The following ZFHX3 variants were observed in gnomAD, a reference collection of about 807,000 sequenced individuals.
The protein encoded by ZFHX3 is zinc finger homeobox protein 3.
Under a neutral mutation model 279.1 loss-of-function variants are expected in ZFHX3, and 42 were observed. The ratio of observed to expected loss-of-function variants is 0.15; its 90% CI spans 0.12 to 0.19. ZFHX3 has a LOEUF of 0.19. ZFHX3 is among the 10% of genes least tolerant of loss of function. The pLI is 1.00. For synonymous variants in ZFHX3, 2,293 were observed against 1,957.8 expected, an observed-to-expected ratio of 1.17 and a Z score of -4.52; for missense variants, 4,981 against 4,754.0, an observed-to-expected ratio of 1.05 and a Z score of -1.40.
chr16:73,395,015 G>A (rs2017099181), intron 3 of ZFHX3, among the ~76,000 whole-genome samples: 1 of 152,158 alleles, frequency 6.6e-6, no homozygotes, highest in East Asian at 1.9e-4. Flanking sequence ...ATAAGGAGTG[G>A]TTTTGCCCCA....
intron 3 of ZFHX3, among the ~76,000 whole-genome samples, chr16:72,918,796 C>T (rs2039509501): frequency 6.6e-6 from 1 of 151,432 alleles, no homozygotes; most frequent in Admixed American, 6.6e-5. Context: ...CCCGCGTTCA[C>T]ACCATTCTCC....
At chr16:73,609,877 G>A (rs961930930) in intron 2 of ZFHX3, 2 of 152,176 alleles carry the variant, frequency 1.3e-5, no homozygotes, top group African/African-American at 2.4e-5. Flanking sequence ...GAAAATTCCA[G>A]AGTTGTTACT....
chr16:73,297,620 A>T (rs914897452), intron 4 of ZFHX3, among the ~76,000 whole-genome samples: 1 of 152,014 alleles, frequency 6.6e-6, no homozygotes. Flanking sequence ...AACGGGACAC[A>T]TGTAGCCCTG....
intron 5 of ZFHX3, among the ~76,000 whole-genome samples, chr16:73,149,678 A>G (rs1254745814): frequency 1.3e-5 from 2 of 152,092 alleles, no homozygotes; most frequent in African/African-American, 4.8e-5. Context: ...TCCACAATTA[A>G]TTTTTCAACT....
At chr16:73,640,539 C>T (rs2142155697) in intron 2 of ZFHX3, among the ~76,000 whole-genome samples, 1 of 152,190 alleles carries the variant, frequency 6.6e-6, no homozygotes, top group East Asian at 1.9e-4. Flanking sequence ...AAAACATGAA[C>T]AGAACATTAT....
chr16:72,898,543 G>T (rs996355491), intron 3 of ZFHX3, among the ~76,000 whole-genome samples: 6 of 152,276 alleles, frequency 3.9e-5, no homozygotes, highest in African/African-American at 1.4e-4. Flanking sequence ...TCTATAGGTT[G>T]TACCTGCCTT....
chr16:73,117,871 A>G (rs943828866), intron 7 of ZFHX3, among the ~76,000 whole-genome samples: 9 of 152,224 alleles, frequency 5.9e-5, no homozygotes, highest in African/African-American at 2.2e-4. Context: ...ATGACTGTCT[A>G]TGAACCAGGA....
At chr16:73,397,119 C>T (rs2017146596) in intron 3 of ZFHX3, among the ~76,000 whole-genome samples, 1 of 152,194 alleles carries the variant, frequency 6.6e-6, no homozygotes, top group Non-Finnish European at 1.5e-5. Flanking sequence ...TTGTTACTTA[C>T]ATGGATGTCT....
chr16:73,039,656 C>T (rs574338566), intron 1 of ZFHX3, among the ~76,000 whole-genome samples: 12 of 152,198 alleles, frequency 7.9e-5, no homozygotes, highest in African/African-American at 2.6e-4. Context: ...AACACACAAC[C>T]AGGAAGTGAC....
In ZFHX3 at chr16:73,600,417, AC is replaced by A. The variant is rs1439060920; in HGVS notation, c.-1547+79762del. ...TCTGTGTATAGACCTTGGTCTCTCT[AC>A]TTTTTTTTTTTTTTTTTGAGATGGA... On this transcript the variant is annotated intron_variant, in intron 2 of 17. Coordinates refer to the ZFHX3 transcript ENST00000641206. Among the ~76,000 whole-genome samples the A allele has an allele frequency of 9.3e-5, 8 of 86,406 alleles. No homozygotes were observed. The Admixed American group carries it at 1.2e-3, about 13-fold the overall frequency. The allele number at this position is 86,406 out of a possible 152,430, so 56.7% of individuals were successfully genotyped here. A position where few individuals can be genotyped will look rare whatever the true frequency, so the allele number is the denominator to read the frequency against.
chr16:73,638,148 T>C (rs2052544597), intron 2 of ZFHX3, among the ~76,000 whole-genome samples: 1 of 152,200 alleles, frequency 6.6e-6, no homozygotes, highest in Non-Finnish European at 1.5e-5. Flanking sequence ...ATCACATTCT[T>C]AGAGAATTTT....
chr16:73,847,594 T>C (rs944950939), intron 1 of ZFHX3, among the ~76,000 whole-genome samples: 11 of 152,190 alleles, frequency 7.2e-5, no homozygotes, highest in Admixed American at 7.2e-4. Flanking sequence ...CAGCAAGTTA[T>C]TTAGCCTCCT....
intron 1 of ZFHX3, among the ~76,000 whole-genome samples, chr16:73,818,887 CACAA>C: frequency 6.6e-6 from 1 of 152,292 alleles, no homozygotes; most frequent in Non-Finnish European, 1.5e-5. Context: ...ATGACAACCA[CACAA>C]ACAATGACTT....
intron 2 of ZFHX3, among the ~76,000 whole-genome samples, chr16:73,469,755 T>A (rs1240264969): frequency 6.6e-6 from 1 of 152,082 alleles, no homozygotes; most frequent in Non-Finnish European, 1.5e-5. Flanking sequence ...GTAGCTGGGA[T>A]TACAGGCTCC....
chr16:72,915,927 C>T (rs1411097984), intron 3 of ZFHX3, among the ~76,000 whole-genome samples: 1 of 152,246 alleles, frequency 6.6e-6, no homozygotes, highest in African/African-American at 2.4e-5. Context: ...GACGTAACTA[C>T]TTAACATTTC....
chr16:72,934,881 C>G (rs1960029760), intron 3 of ZFHX3, among the ~76,000 whole-genome samples: 1 of 152,202 alleles, frequency 6.6e-6, no homozygotes, highest in African/African-American at 2.4e-5. Context: ...TTAAAGGCCC[C>G]TGGGCTAAGA....
intron 5 of ZFHX3, among the ~76,000 whole-genome samples, chr16:73,183,881 T>G (rs1423042606): frequency 6.6e-6 from 1 of 151,964 alleles, no homozygotes; most frequent in Non-Finnish European, 1.5e-5. Context: ...TATGCTCTGC[T>G]TGCTGAAAAA....
intron 6 of ZFHX3, among the ~76,000 whole-genome samples, chr16:73,136,403 G>A (rs1434509834): frequency 6.6e-6 from 1 of 152,066 alleles, no homozygotes; most frequent in Non-Finnish European, 1.5e-5. Flanking sequence ...TTAGGTTGGT[G>A]CAAAAGTCAT....
chr16:72,962,245 C>A (rs1230431536), intron 1 of ZFHX3, among the ~76,000 whole-genome samples: 1 of 152,256 alleles, frequency 6.6e-6, no homozygotes, highest in Non-Finnish European at 1.5e-5. Flanking sequence ...CTGGGCTGGG[C>A]CAGAGAAACC....
Sources: allele counts gnomAD v4.1 joint callset (sites outside exome capture counted in the v4.1 genomes callset), GRCh38; gene constraint gnomAD v4.1.1; transcripts MANE v1.5; gene names NCBI Gene and HGNC (gene_info 2026-07-23, HGNC 2026-07-21).